FSHR: variants seen among roughly 807,000 people sequenced by gnomAD.
FSHR encodes follicle-stimulating hormone receptor.
Under a neutral mutation model 52.1 loss-of-function variants are expected in FSHR, and 46 were observed. That is an observed-to-expected ratio of 0.88 (90% CI 0.70 to 1.13). The LOEUF is 1.13. Ranked by LOEUF, FSHR falls within the 50% of genes most tolerant of loss-of-function variation. FSHR has a pLI of 0.00. For missense variants in FSHR, 964 were observed against 834.6 expected (o/e 1.16, Z -1.91); for synonymous variants, 399 against 309.6 (o/e 1.29, Z -3.03).
At chr2:49,009,298 G>T (rs1667184093) in intron 4 of FSHR, among the ~76,000 whole-genome samples, 3 of 151,280 alleles carry the variant, frequency 2.0e-5, no homozygotes. Context: ...TTTCCCCATT[G>T]CTTGTTTTTC....
chr2:48,969,724 T>C (rs866115660), intron 8 of FSHR, among the ~76,000 whole-genome samples: 17 of 152,258 alleles, frequency 1.1e-4, no homozygotes, highest in African/African-American at 3.1e-4. Context: ...AGTCTCTGCC[T>C]GTCCATTAGA....
intron 4 of FSHR, among the ~76,000 whole-genome samples, chr2:48,993,984 A>G (rs1052128075): frequency 6.6e-6 from 1 of 152,164 alleles, no homozygotes; most frequent in South Asian, 2.1e-4. Context: ...TGAGCCATGT[A>G]TTATTTTGTG....
intron 2 of FSHR, among the ~76,000 whole-genome samples, chr2:49,061,638 AATAT>A (rs1035341149): frequency 2.8e-5 from 4 of 142,716 alleles, no homozygotes; most frequent in African/African-American, 1.0e-4. Context: ...ATATATCTAT[AATAT>A]ATATAACTAT....
chr2:48,993,640 A>G (rs116837604), intron 4 of FSHR, among the ~76,000 whole-genome samples: 1,872 of 152,264 alleles, frequency 0.012, 27 homozygotes, highest in African/African-American at 0.042. Context: ...CTAAGGCTTT[A>G]GTTCTTTCCC....
At chr2:49,061,950 T>C (rs912610435) in intron 2 of FSHR, among the ~76,000 whole-genome samples, 3 of 150,868 alleles carry the variant, frequency 2.0e-5, no homozygotes, top group African/African-American at 7.3e-5. Context: ...TAGCCTCTAA[T>C]ACAGTAATAG....
intron 1 of FSHR, among the ~76,000 whole-genome samples, chr2:49,071,608 T>A (rs191269369): frequency 1.3e-5 from 2 of 152,316 alleles, no homozygotes; most frequent in South Asian, 2.1e-4. Flanking sequence ...AATAGGTGAA[T>A]GTTTTAGTTC....
chr2:48,989,459 T>C (rs2104097134), intron 5 of FSHR, among the ~76,000 whole-genome samples: 1 of 152,174 alleles, frequency 6.6e-6, no homozygotes, highest in Non-Finnish European at 1.5e-5. Flanking sequence ...ATTTTTGTAT[T>C]TTTTGTAAAG....
At chr2:49,096,303 T>C (rs1670819708) in intron 1 of FSHR, among the ~76,000 whole-genome samples, 1 of 152,138 alleles carries the variant, frequency 6.6e-6, no homozygotes, top group South Asian at 2.1e-4. Flanking sequence ...TCCTGATAAA[T>C]GATATAACAT....
chr2:49,022,052 A>G (rs1667744298), intron 2 of FSHR, among the ~76,000 whole-genome samples: 2 of 151,264 alleles, frequency 1.3e-5, no homozygotes. Flanking sequence ...ATTTGAATGC[A>G]GTAGAGTGAA....
chr2:48,970,364 G>A (rs1212658111), intron 8 of FSHR, among the ~76,000 whole-genome samples: 1 of 152,074 alleles, frequency 6.6e-6, no homozygotes, highest in African/African-American at 2.4e-5. Flanking sequence ...TACTCACTAA[G>A]GCCATGTCTT....
chr2:49,108,631 G>A (rs1671319830), intron 1 of FSHR, among the ~76,000 whole-genome samples: 1 of 152,060 alleles, frequency 6.6e-6, no homozygotes, highest in African/African-American at 2.4e-5. Context: ...ACTGAGCATG[G>A]GAGTTTTCAA....
intron 8 of FSHR, among the ~76,000 whole-genome samples, chr2:48,969,695 T>C (rs986425393): frequency 6.6e-6 from 1 of 152,216 alleles, no homozygotes; most frequent in Non-Finnish European, 1.5e-5. Context: ...GAGAGAAAGT[T>C]GTTCTTGTTT....
intron 1 of FSHR, among the ~76,000 whole-genome samples, chr2:49,146,649 G>T (rs999068637): frequency 6.6e-6 from 1 of 151,988 alleles, no homozygotes; most frequent in Non-Finnish European, 1.5e-5. Context: ...GGAATCTGAC[G>T]CCTAGAGAAA....
At chr2:49,102,934 A>G (rs1189295343) in intron 1 of FSHR, among the ~76,000 whole-genome samples, 2 of 152,026 alleles carry the variant, frequency 1.3e-5, no homozygotes, top group African/African-American at 4.8e-5. Flanking sequence ...CTTTTATTCT[A>G]TCTCAGTGTT....
intron 1 of FSHR, among the ~76,000 whole-genome samples, chr2:49,115,392 T>C (rs1671563940): frequency 6.6e-6 from 1 of 152,240 alleles, no homozygotes; most frequent in South Asian, 2.1e-4. Flanking sequence ...GACACTATTC[T>C]AGCTTTGTGG....
Position 49,080,226 on chromosome 2 carries a change from G to A in FSHR, c.153-11936C>T, listed in dbSNP as rs564445662. Among the ~76,000 whole-genome samples, 11 of 152,290 alleles carry A rather than the reference G, an allele frequency of 7.2e-5. No homozygotes were observed. The South Asian group carries it at 1.5e-3, about 20-fold the overall frequency. On this transcript the variant is annotated intron_variant, in intron 1 of 9. Coordinates refer to ENST00000406846, the MANE Select transcript of FSHR (RefSeq NM_000145.4). ...TCCATGCTGGTGAGGCAGTGGAACA[G>A]TAGGATATTTTCTACAGTCTTGATG...
chr2:49,154,255 C>G lies in FSHR; in HGVS notation c.152+11G>C. The G allele has an allele frequency of 6.2e-7, 1 of 1,613,454 alleles. No homozygotes were observed. Among genetic ancestry groups the G allele is most frequent in the Non-Finnish European group, 8.5e-7 (1 of 1,179,486 alleles). ...AGCCATGCAGTTGTTCCCCCTCCCT[C>G]TGATACTCACAGTTCAATGGCATTC... On this transcript the variant is annotated intron_variant, in intron 1 of 9. Coordinates refer to ENST00000406846, the MANE Select transcript of FSHR (RefSeq NM_000145.4).
chr2:49,021,884 TATAGAGAGAGAGAGAGAGAG>T lies in FSHR; in HGVS notation c.225-1744_225-1725del, dbSNP rs1474962703. ...CTCTCTATATATATATATATATATA[TATAGAGAGAGAGAGAGAGAG>T]AGAGAGAGAGAGAGAGAATGAACAC... On this transcript the variant is annotated intron_variant, in intron 2 of 9. Coordinates refer to ENST00000406846, the MANE Select transcript of FSHR (RefSeq NM_000145.4). Among the ~76,000 whole-genome samples the T allele has an allele frequency of 5.9e-3, 214 of 36,554 alleles. 1 individual carries two copies. Among genetic ancestry groups the T allele is most frequent in the African/African-American group, 0.019 (197 of 10,270 alleles). 24.0% of individuals were successfully genotyped at this position (36,554 alleles called of 152,430 possible).
At chr2:49,007,425 C>T (rs1301568424) in intron 4 of FSHR, among the ~76,000 whole-genome samples, 3 of 152,008 alleles carry the variant, frequency 2.0e-5, no homozygotes, top group Non-Finnish European at 2.9e-5. Flanking sequence ...ATTATTCAAC[C>T]AGCTGTTTGT....
Sources: gnomAD v4.1 joint callset for allele counts (sites outside exome capture counted in the v4.1 genomes callset) on GRCh38, gnomAD v4.1.1 for gene constraint, MANE v1.5 for transcripts, NCBI Gene and HGNC (gene_info 2026-07-23, HGNC 2026-07-21) for gene names.